TLL2: variants seen among roughly 807,000 people sequenced by gnomAD.
TLL2 encodes tolloid-like protein 2.
Under a neutral mutation model 123.0 loss-of-function variants are expected in TLL2, and 106 were observed. That is an observed-to-expected ratio of 0.86 (90% CI 0.74 to 1.01). The LOEUF (loss-of-function observed/expected upper bound fraction) is 1.01, where lower values mean the gene tolerates loss of function less well. Among genes scored for constraint, TLL2 ranks in the 50% least tolerant of loss-of-function variants. The pLI is 0.00. For missense variants in TLL2, 1,332 were observed against 1,336.7 expected (o/e 1.00, Z 0.06); for synonymous variants, 494 against 516.8 (o/e 0.96, Z 0.60).
intron 1 of TLL2, among the ~76,000 whole-genome samples, chr10:96,507,094 G>T (rs1333615325): frequency 6.6e-6 from 1 of 152,074 alleles, no homozygotes; most frequent in East Asian, 1.9e-4. Flanking sequence ...TCCAAGAGGG[G>T]CCTGATACGT....
chr10:96,463,126 A>T (rs1847096024), intron 2 of TLL2, among the ~76,000 whole-genome samples: 2 of 152,218 alleles, frequency 1.3e-5, no homozygotes, highest in South Asian at 4.1e-4. Flanking sequence ...TGTGAGGATC[A>T]ACTGTACCTC....
rs1450123546 is a variant in TLL2, at chr10:96,428,821, C to T, written c.521-73G>A. 3.8e-6 allele frequency: 4 copies of T among 1,054,596 alleles called. No homozygotes were observed. In the African/African-American group the frequency reaches 4.9e-5, roughly 13 times the overall value. 65.3% of individuals were successfully genotyped at this position (1,054,596 alleles called of 1,614,324 possible). A position where few individuals can be genotyped will look rare whatever the true frequency, so the allele number is the denominator to read the frequency against. On this transcript the variant is annotated intron_variant, in intron 4 of 20. Coordinates refer to ENST00000357947, the MANE Select transcript of TLL2 (RefSeq NM_012465.4). ...TCTTTAGATGCTTTTTTTTTTCTTTCAAGACGGAGTTTTGCCTTTGTTGCC... is the reference window on the plus strand; with the variant it reads ...TCTTTAGATGCTTTTTTTTTTCTTTTAAGACGGAGTTTTGCCTTTGTTGCC...
In TLL2 at chr10:96,422,794, C is replaced by A. The variant is rs1480561743; in HGVS notation, c.639-67G>T. On this transcript the variant is annotated intron_variant, in intron 5 of 20. Coordinates refer to ENST00000357947, the MANE Select transcript of TLL2 (RefSeq NM_012465.4). ...CATTCAGAGCAAGAGGCAAGTCCCC[C>A]CTCCCACTCTGTATGTGTGTGCGTG... 2.5e-6 allele frequency: 4 copies of A among 1,576,926 alleles called. No homozygotes were observed. The Admixed American group carries it at 6.7e-5, about 26-fold the overall frequency.
chr10:96,380,092 C>A (rs1470731876), intron 16 of TLL2, among the ~76,000 whole-genome samples: 1 of 152,226 alleles, frequency 6.6e-6, no homozygotes, highest in South Asian at 2.1e-4. Flanking sequence ...TAATGGTATC[C>A]TCATTTCACA....
At chr10:96,405,170 T>C in intron 10 of TLL2, 62 bp downstream of exon 10, 1 of 1,507,966 alleles carries the variant, frequency 6.6e-7, no homozygotes, top group Non-Finnish European at 9.2e-7. Context: ...CTTCCAGACA[T>C]TAACAGCATC....
At chr10:96,500,531 T>C (rs1002465846) in intron 1 of TLL2, among the ~76,000 whole-genome samples, 27 of 152,162 alleles carry the variant, frequency 1.8e-4, no homozygotes, top group Non-Finnish European at 5.9e-5. Context: ...TTGAGGTTCA[T>C]GCCTGTAATC....
intron 19 of TLL2, among the ~76,000 whole-genome samples, chr10:96,370,898 C>T (rs547134542): frequency 1.5e-4 from 23 of 152,312 alleles, no homozygotes; most frequent in African/African-American, 5.5e-4. Context: ...TGAGCTGCAC[C>T]TCAGGCTCTG....
At chr10:96,444,393 A>G (rs1408764346) in intron 3 of TLL2, among the ~76,000 whole-genome samples, 1 of 152,228 alleles carries the variant, frequency 6.6e-6, no homozygotes, top group Non-Finnish European at 1.5e-5. Flanking sequence ...ATATCTACTC[A>G]AAAGAATACA....
intron 3 of TLL2, among the ~76,000 whole-genome samples, chr10:96,439,457 C>T (rs1204023468): frequency 1.3e-5 from 2 of 152,070 alleles, no homozygotes; most frequent in African/African-American, 4.8e-5. Context: ...CCTTATGCCC[C>T]TTGGCTGAAT....
At chr10:96,509,612 C>G (rs1267186473) in intron 1 of TLL2, among the ~76,000 whole-genome samples, 1 of 152,244 alleles carries the variant, frequency 6.6e-6, no homozygotes, top group African/African-American at 2.4e-5. Flanking sequence ...CTATCTACAC[C>G]AAAGTCCTTG....
rs375633602 is a variant in TLL2 at position 96,422,707 on chromosome 10, C to T, written c.659G>A (p.Arg220His). 13 of 1,614,068 alleles carry T rather than the reference C, an allele frequency of 8.1e-6. No individual in the cohort carries two copies. The highest frequency in any genetic ancestry group is 4.0e-5 in the African/African-American group (3 of 74,922). The change falls in exon 6 of 21, where the codon CGC becomes CAC. Residue 220 changes from arginine to histidine, a missense_variant. Coordinates refer to ENST00000357947, the MANE Select transcript of TLL2 (RefSeq NM_012465.4). The stretch of plus-strand genomic sequence containing the variant: ...TATGGCCTGTGGGCCTCCTCCTCGG[C>T]GCCCAACATAGGAGCAACAGCTGGA... ...RTCGCCSYVG[R>H]RGGGPQAISI...
chr10:96,379,242 A>T, intron 16 of TLL2, 150 bp from the exon 17 acceptor site: 1 of 1,001,088 alleles, frequency 1.0e-6, no homozygotes. Flanking sequence ...GGAGGAGTGA[A>T]GTGGGAAGCA....
intron 1 of TLL2, among the ~76,000 whole-genome samples, chr10:96,512,985 A>T (rs181548673): frequency 6.6e-6 from 1 of 152,362 alleles, no homozygotes; most frequent in East Asian, 1.9e-4. Flanking sequence ...AGTCTTGCTC[A>T]TTCTCCCTCG....
chr10:96,425,368 C>A (rs563794088), intron 5 of TLL2, among the ~76,000 whole-genome samples: 4 of 151,572 alleles, frequency 2.6e-5, no homozygotes, highest in African/African-American at 9.7e-5. Context: ...TGTATGCATA[C>A]ATACACATGT....
At chr10:96,411,074 T>C (rs955858321) in intron 8 of TLL2, among the ~76,000 whole-genome samples, 1 of 151,810 alleles carries the variant, frequency 6.6e-6, no homozygotes, top group African/African-American at 2.4e-5. Context: ...AAACCCCATC[T>C]CTACTAAAAA....
chr10:96,379,158 A>C, intron 16 of TLL2, 66 bp from the exon 17 acceptor site: 1 of 1,574,504 alleles, frequency 6.4e-7, no homozygotes, highest in Non-Finnish European at 8.7e-7. Context: ...AGGGCTCAGA[A>C]TCCCACTTAA....
At chr10:96,494,857 C>G (rs1564919018) in intron 1 of TLL2, among the ~76,000 whole-genome samples, 1 of 152,168 alleles carries the variant, frequency 6.6e-6, no homozygotes, top group African/African-American at 2.4e-5. Context: ...ACATGCGGAT[C>G]CCCAGGCCCC....
intron 1 of TLL2, among the ~76,000 whole-genome samples, chr10:96,489,808 A>G (rs191893001): frequency 1.3e-4 from 20 of 152,232 alleles, no homozygotes; most frequent in Admixed American, 1.3e-3. Flanking sequence ...TCAAAATAAC[A>G]TATCTCAGCC....
At chr10:96,386,296 T>G in intron 14 of TLL2, 81 bp from the exon 15 acceptor site, 1 of 1,356,266 alleles carries the variant, frequency 7.4e-7, no homozygotes, top group Non-Finnish European at 9.9e-7. Flanking sequence ...CAATAGAGCC[T>G]TGCTGTTCTG....
Sources: allele counts gnomAD v4.1 joint callset (sites outside exome capture counted in the v4.1 genomes callset), GRCh38; gene constraint gnomAD v4.1.1; transcripts MANE v1.5; gene names NCBI Gene and HGNC (gene_info 2026-07-23, HGNC 2026-07-21).